The following GALNTL6 variants were observed in gnomAD, a reference collection of about 807,000 sequenced individuals.
GALNTL6 encodes the protein polypeptide N-acetylgalactosaminyltransferase like 6, also known as polypeptide N-acetylgalactosaminyltransferase-like 6.
GALNTL6 carries 46 observed loss-of-function variants against 73.7 expected under a neutral mutation model. The observed-to-expected ratio is 0.62, with a 90% confidence interval of 0.49 to 0.80. The LOEUF is 0.80. GALNTL6 is among the 30% of genes least tolerant of loss of function. The pLI is 0.00. For synonymous variants in GALNTL6, 259 were observed against 263.7 expected, an observed-to-expected ratio of 0.98 and a Z score of 0.17; for missense variants, 604 against 755.0, an observed-to-expected ratio of 0.80 and a Z score of 2.34.
chr4:171,988,396 C>T (rs367667899), intron 2 of GALNTL6, among the ~76,000 whole-genome samples: 46 of 152,216 alleles, frequency 3.0e-4, no homozygotes, highest in South Asian at 4.2e-4. Flanking sequence ...TCTGTGAAGC[C>T]TTGCGGCAGT....
At chr4:173,029,351 A>G (rs1026704903) in intron 12 of GALNTL6, among the ~76,000 whole-genome samples, 3 of 152,242 alleles carry the variant, frequency 2.0e-5, no homozygotes, top group Non-Finnish European at 4.4e-5. Flanking sequence ...TTGAACAAAT[A>G]CCTGCCTGGT....
chr4:172,117,523 A>T (rs992778853), intron 2 of GALNTL6, among the ~76,000 whole-genome samples: 2 of 152,166 alleles, frequency 1.3e-5, no homozygotes, highest in Admixed American at 6.5e-5. Flanking sequence ...TTTATAATAT[A>T]GTTTGTTTCA....
chr4:172,558,801 T>C (rs1736235933), intron 5 of GALNTL6, among the ~76,000 whole-genome samples: 1 of 152,162 alleles, frequency 6.6e-6, no homozygotes, highest in Non-Finnish European at 1.5e-5. Context: ...GAGTGGTCAT[T>C]ATCTCATATG....
chr4:172,326,703 TATC>T (rs1740955267), intron 4 of GALNTL6, among the ~76,000 whole-genome samples: 1 of 152,018 alleles, frequency 6.6e-6, no homozygotes, highest in African/African-American at 2.4e-5. Context: ...GTCTTAAATT[TATC>T]ATATTAATAT....
intron 9 of GALNTL6, among the ~76,000 whole-genome samples, chr4:172,933,277 A>T (rs2111325259): frequency 6.6e-6 from 1 of 152,200 alleles, no homozygotes; most frequent in East Asian, 1.9e-4. Flanking sequence ...TCCTTCCAAG[A>T]CAATGGGTGT....
At chr4:171,917,777 CTTA>C in intron 2 of GALNTL6, among the ~76,000 whole-genome samples, 1 of 152,226 alleles carries the variant, frequency 6.6e-6, no homozygotes, top group South Asian at 2.1e-4. Context: ...TGCTTATACA[CTTA>C]GATGTAGAAA....
chr4:172,821,528 T>C (rs1338617673), intron 7 of GALNTL6, among the ~76,000 whole-genome samples: 1 of 152,204 alleles, frequency 6.6e-6, no homozygotes, highest in African/African-American at 2.4e-5. Context: ...ACTGTGTTCT[T>C]ATCATTAGAC....
At chr4:172,375,878 C>G (rs1328895138) in intron 5 of GALNTL6, among the ~76,000 whole-genome samples, 1 of 152,108 alleles carries the variant, frequency 6.6e-6, no homozygotes, top group African/African-American at 2.4e-5. Context: ...TTACCCGTGT[C>G]CTATAAAGAT....
intron 5 of GALNTL6, among the ~76,000 whole-genome samples, chr4:172,596,515 T>C (rs192461838): frequency 6.6e-6 from 1 of 152,118 alleles, no homozygotes; most frequent in Non-Finnish European, 1.5e-5. Context: ...AAAGAATGAT[T>C]TATTTTTCTA....
intron 2 of GALNTL6, among the ~76,000 whole-genome samples, chr4:171,954,548 G>A (rs1738985891): frequency 6.6e-6 from 1 of 152,192 alleles, no homozygotes; most frequent in Admixed American, 6.5e-5. Context: ...ATACACAAGG[G>A]AGAAGTGGGG....
chr4:172,870,097 T>G (rs1744850964), intron 7 of GALNTL6, among the ~76,000 whole-genome samples: 1 of 149,468 alleles, frequency 6.7e-6, no homozygotes, highest in East Asian at 2.0e-4. Flanking sequence ...CATCATCAGG[T>G]GTTTATAAAA....
chr4:172,470,548 G>A (rs1023317024), intron 5 of GALNTL6, among the ~76,000 whole-genome samples: 6 of 152,098 alleles, frequency 3.9e-5, no homozygotes, highest in Non-Finnish European at 7.3e-5. Context: ...AACCTGGTAA[G>A]CACAGTCTAT....
chr4:172,857,431 C>G (rs1744175825), intron 7 of GALNTL6, among the ~76,000 whole-genome samples: 2 of 152,012 alleles, frequency 1.3e-5, no homozygotes, highest in African/African-American at 4.8e-5. Context: ...CACTATGAGA[C>G]ACGTTGGAAA....
chr4:172,535,652 G>A (rs1735323627), intron 5 of GALNTL6, among the ~76,000 whole-genome samples: 1 of 152,094 alleles, frequency 6.6e-6, no homozygotes, highest in South Asian at 2.1e-4. Context: ...ATTAAGATAT[G>A]TACATCTCAG....
intron 9 of GALNTL6, among the ~76,000 whole-genome samples, chr4:172,934,718 G>C (rs894149058): frequency 4.6e-5 from 7 of 152,332 alleles, no homozygotes; most frequent in Admixed American, 2.6e-4. Context: ...GTCTAGAGTT[G>C]CAGGGAGACT....
At chr4:172,131,653 C>T (rs1349325209) in intron 2 of GALNTL6, among the ~76,000 whole-genome samples, 1 of 151,568 alleles carries the variant, frequency 6.6e-6, no homozygotes, top group Non-Finnish European at 1.5e-5. Context: ...TTCATTTTTA[C>T]CACAGAATCT....
At chr4:172,038,685 A>G (rs1437926078) in intron 2 of GALNTL6, among the ~76,000 whole-genome samples, 1 of 152,190 alleles carries the variant, frequency 6.6e-6, no homozygotes, top group Non-Finnish European at 1.5e-5. Flanking sequence ...TTGTTATTCA[A>G]TTCACAAACA....
At chr4:172,810,698 A>C (rs1741246680) in intron 6 of GALNTL6, among the ~76,000 whole-genome samples, 1 of 152,308 alleles carries the variant, frequency 6.6e-6, no homozygotes, top group Non-Finnish European at 1.5e-5. Flanking sequence ...ATACGCCTGC[A>C]CAGGTAACTG....
chr4:172,256,889 C>G (rs114046763), intron 3 of GALNTL6, among the ~76,000 whole-genome samples: 209 of 151,384 alleles, frequency 1.4e-3, no homozygotes, highest in African/African-American at 4.5e-3. Context: ...CCTCTATATT[C>G]CCAGAGGAAA....
Sources: allele counts gnomAD v4.1 joint callset (sites outside exome capture counted in the v4.1 genomes callset), GRCh38; gene constraint gnomAD v4.1.1; transcripts MANE v1.5; gene names NCBI Gene and HGNC (gene_info 2026-07-23, HGNC 2026-07-21).